The following MYO9A variants were observed in gnomAD, a reference collection of about 807,000 sequenced individuals.
MYO9A encodes the protein myosin IXA.
In MYO9A, 103 loss-of-function variants were observed where a neutral mutation model predicts 293.3. The observed-to-expected ratio is 0.35, with a 90% CI of 0.30 to 0.41. The LOEUF is 0.41. MYO9A is among the 10% of genes least tolerant of loss of function. The probability of loss-of-function intolerance (pLI) is 1.00; values close to 1 mark genes in which losing one functional copy is unlikely to be tolerated. For synonymous variants in MYO9A, 1,001 were observed against 1,035.7 expected, an observed-to-expected ratio of 0.97 and a Z score of 0.64; for missense variants, 2,685 against 3,033.0, an observed-to-expected ratio of 0.89 and a Z score of 2.69.
At chr15:71,951,202 T>A (rs531301469) in intron 15 of MYO9A, among the ~76,000 whole-genome samples, 1 of 152,210 alleles carries the variant, frequency 6.6e-6, no homozygotes, top group East Asian at 1.9e-4. Context: ...TAAGTGGATT[T>A]ACCAATGATA....
intron 1 of MYO9A, among the ~76,000 whole-genome samples, chr15:72,083,514 C>A (rs1284778022): frequency 1.3e-5 from 2 of 152,112 alleles, no homozygotes; most frequent in African/African-American, 4.8e-5. Flanking sequence ...TGCCATTCAG[C>A]TTTGATTTTG....
intron 18 of MYO9A, among the ~76,000 whole-genome samples, chr15:71,919,931 C>A (rs1277459028): frequency 1.3e-5 from 2 of 151,390 alleles, no homozygotes; most frequent in Non-Finnish European, 2.9e-5. Context: ...TCCCATATAC[C>A]TAACAATAAC....
chr15:71,924,471 T>C (rs2058239227), intron 18 of MYO9A, among the ~76,000 whole-genome samples: 1 of 152,138 alleles, frequency 6.6e-6, no homozygotes, highest in African/African-American at 2.4e-5. Flanking sequence ...CTCAATCTCC[T>C]GATCTCGTGA....
At chr15:72,024,810 C>A (rs2077612772) in intron 4 of MYO9A, among the ~76,000 whole-genome samples, 1 of 151,252 alleles carries the variant, frequency 6.6e-6, no homozygotes, top group African/African-American at 2.4e-5. Flanking sequence ...CCAAGGTAAC[C>A]AATAAGAATA....
intron 3 of MYO9A, 112 bp from the exon 4 acceptor site, chr15:72,027,905 T>C: frequency 1.3e-6 from 1 of 785,100 alleles, no homozygotes; most frequent in Non-Finnish European, 2.0e-6. Flanking sequence ...CATTTCAAAA[T>C]ATGCGCCATT....
chr15:71,921,485 G>A (rs559396113), intron 18 of MYO9A, among the ~76,000 whole-genome samples: 14 of 152,146 alleles, frequency 9.2e-5, no homozygotes, highest in African/African-American at 3.1e-4. Flanking sequence ...TCCTTCTCCC[G>A]CACTCCATCC....
At chr15:72,099,443 GA>G (rs1031985471) in intron 1 of MYO9A, among the ~76,000 whole-genome samples, 18 of 86,240 alleles carry the variant, frequency 2.1e-4, no homozygotes, top group African/African-American at 5.4e-4. Context: ...AAAAAAAAAA[GA>G]AAAAAAAATT....
At chr15:71,936,972 G>C (rs889823454) in intron 16 of MYO9A, among the ~76,000 whole-genome samples, 1 of 147,406 alleles carries the variant, frequency 6.8e-6, no homozygotes, top group African/African-American at 2.5e-5. Flanking sequence ...AGAGAGAGAG[G>C]AGAGAGTGAG....
At chr15:71,982,699 T>C (rs1274830333) in intron 11 of MYO9A, among the ~76,000 whole-genome samples, 1 of 152,248 alleles carries the variant, frequency 6.6e-6, no homozygotes, top group Non-Finnish European at 1.5e-5. Context: ...ATCTTCTGTA[T>C]CCTTACCAAC....
At chr15:71,837,362 A>C (rs975774462) in intron 39 of MYO9A, among the ~76,000 whole-genome samples, 28 of 152,138 alleles carry the variant, frequency 1.8e-4, no homozygotes, top group Admixed American at 1.0e-3. Context: ...TAAAAACAGA[A>C]GATCACTCTG....
chr15:71,994,446 A>C (rs756091284), intron 10 of MYO9A, 23 bp downstream of exon 10: 1 of 1,422,720 alleles, frequency 7.0e-7, no homozygotes, highest in Admixed American at 2.2e-5. Flanking sequence ...GGAAAAACAT[A>C]TTATAATCCA....
chr15:71,991,526 C>A (rs1326738258), intron 10 of MYO9A, among the ~76,000 whole-genome samples: 1 of 152,026 alleles, frequency 6.6e-6, no homozygotes, highest in Non-Finnish European at 1.5e-5. Flanking sequence ...CCTCAGAAAT[C>A]CCTAACATCT....
In MYO9A at chr15:71,825,397, T is replaced by C. The variant is rs2054436860; in HGVS notation, c.*1183A>G. ...ACAATAAACTTCAGTAACCAGAATA[T>C]TAACAAAAATAGCTTCAAGTAGTCC... is the stretch of plus-strand genomic sequence containing the variant. On this transcript the variant is annotated 3_prime_UTR_variant, in exon 42 of 42. Coordinates refer to ENST00000356056, the MANE Select transcript of MYO9A (RefSeq NM_006901.4). 1 of 152,208 alleles carries C rather than the reference T, an allele frequency of 6.6e-6. No homozygotes were observed. Among genetic ancestry groups the C allele is most frequent in the Admixed American group, 6.5e-5 (1 of 15,282 alleles). 9.4% of individuals were successfully genotyped at this position (152,208 alleles called of 1,614,324 possible).
At chr15:71,995,714 T>G (rs998234250) in intron 9 of MYO9A, among the ~76,000 whole-genome samples, 2 of 152,098 alleles carry the variant, frequency 1.3e-5, no homozygotes, top group Non-Finnish European at 2.9e-5. Context: ...AACTCCATTT[T>G]GAAGTATAAA....
intron 39 of MYO9A, among the ~76,000 whole-genome samples, chr15:71,832,314 A>AT (rs1477292761): frequency 6.6e-6 from 1 of 152,144 alleles, no homozygotes; most frequent in Admixed American, 6.6e-5. Context: ...ATGGCAGAGA[A>AT]TTTTTTAAAA....
At chr15:72,000,499 T>C (rs1314029810) in intron 8 of MYO9A, among the ~76,000 whole-genome samples, 1 of 152,220 alleles carries the variant, frequency 6.6e-6, no homozygotes, top group African/African-American at 2.4e-5. Context: ...CACATTATCA[T>C]TTCAGTTAAT....
At chr15:71,982,258 G>C (rs896537110) in intron 11 of MYO9A, among the ~76,000 whole-genome samples, 37 of 152,072 alleles carry the variant, frequency 2.4e-4, no homozygotes, top group African/African-American at 8.7e-4. Flanking sequence ...CTGACCTCGT[G>C]ATCTGCCCAC....
intron 10 of MYO9A, among the ~76,000 whole-genome samples, chr15:71,993,954 C>CAA (rs34602189): frequency 0.023 from 2,746 of 119,418 alleles, 77 homozygotes; most frequent in African/African-American, 0.058. Context: ...GACACCGTCT[C>CAA]AAAAAAAAAA....
At chr15:71,843,691 G>T (rs73432498) in intron 39 of MYO9A, among the ~76,000 whole-genome samples, 1 of 151,966 alleles carries the variant, frequency 6.6e-6, no homozygotes, top group African/African-American at 2.4e-5. Flanking sequence ...GGGTTTCACC[G>T]CATTGCCTAG....
Sources: gnomAD v4.1 joint callset for allele counts (sites outside exome capture counted in the v4.1 genomes callset) on GRCh38, gnomAD v4.1.1 for gene constraint, MANE v1.5 for transcripts, NCBI Gene and HGNC (gene_info 2026-07-23, HGNC 2026-07-21) for gene names.